The following NTAQ1 variants were observed in gnomAD, a reference collection of about 807,000 sequenced individuals.
NTAQ1 encodes the protein protein N-terminal glutamine amidohydrolase.
A neutral mutation model predicts 28.2 loss-of-function variants in NTAQ1; 21 were observed. The observed-to-expected ratio is 0.74, with a 90% CI of 0.53 to 1.07. The LOEUF is 1.07. NTAQ1 is among the 50% of genes least tolerant of loss of function. NTAQ1 has a pLI of 0.00. For synonymous variants in NTAQ1, 105 were observed against 90.0 expected, an observed-to-expected ratio of 1.17 and a Z score of -0.94; for missense variants, 264 against 256.6, an observed-to-expected ratio of 1.03 and a Z score of -0.20.
At chr8:123,450,103 A>G (rs185576286), downstream of NTAQ1, among the ~76,000 whole-genome samples, 23 of 150,466 alleles carry the variant, frequency 1.5e-4, no homozygotes, top group African/African-American at 5.1e-4. Context: ...ATGTGTGTGG[A>G]TAGAGGAAAG....
rs143987915 is a variant in NTAQ1, at chr8:123,421,172, C to G, written c.83+4240C>G. Among the ~76,000 whole-genome samples, 452 of 152,296 alleles carry G rather than the reference C, an allele frequency of 3.0e-3. 2 individuals carry two copies. Among genetic ancestry groups the G allele is most frequent in the Middle Eastern group, 0.02 (6 of 294 alleles). ...AATCATGGCTCACTGCAGCCTCGAC[C>G]TGGTGTCAATCAATTCTCCCACTTC... On this transcript the variant is annotated intron_variant, in intron 1 of 5. Coordinates refer to ENST00000287387, the MANE Select transcript of NTAQ1 (RefSeq NM_018024.3).
chr8:123,466,075 G>A lies in NTAQ1; in HGVS notation c.373-1004G>A, dbSNP rs548882338. Among the ~76,000 whole-genome samples, 3 of 152,274 alleles carry A rather than the reference G, an allele frequency of 2.0e-5. No individual in the cohort carries two copies. The East Asian group carries it at 5.8e-4, about 29-fold the overall frequency. On this transcript the variant is annotated intron_variant, in intron 6 of 6. Coordinates refer to the NTAQ1 transcript ENST00000650311. Reference sequence around the variant, plus strand: ...GCCAAAGAGTGAAGTCTGAGTGGACGGGATTGCCAGAGAACCAGGGGCTGA... The same window carrying A: ...GCCAAAGAGTGAAGTCTGAGTGGACAGGATTGCCAGAGAACCAGGGGCTGA...
intron 2 of NTAQ1, among the ~76,000 whole-genome samples, 185 bp downstream of exon 2, chr8:123,428,208 A>G (rs923327331): frequency 6.6e-6 from 1 of 152,032 alleles, no homozygotes; most frequent in Admixed American, 6.6e-5. Context: ...GGCACGATTG[A>G]GTTAGAAGAG....
downstream of NTAQ1, among the ~76,000 whole-genome samples, chr8:123,442,792 C>G (rs1039303395): frequency 8.0e-5 from 12 of 150,734 alleles, no homozygotes; most frequent in Admixed American, 2.0e-4. Context: ...CCTCAGCCTC[C>G]TGAGTAGCTG....
intron 5 of NTAQ1, chr8:123,437,991 T>G (rs1586949522): frequency 1.7e-6 from 1 of 573,514 alleles, no homozygotes; most frequent in Non-Finnish European, 3.1e-6. Context: ...CATGGTAGGG[T>G]TTTGTGCTGT....
intron 3 of NTAQ1, among the ~76,000 whole-genome samples, chr8:123,434,993 A>G (rs1171263496): frequency 6.6e-6 from 1 of 152,188 alleles, no homozygotes; most frequent in Non-Finnish European, 1.5e-5. Context: ...AGTCTTAAGT[A>G]TTGTTCTTAC....
Position 123,441,825 on chromosome 8 carries a change from T to C in NTAQ1, c.*410T>C, listed in dbSNP as rs1160998769. On this transcript the variant is annotated 3_prime_UTR_variant, in exon 6 of 6. Coordinates refer to ENST00000287387, the MANE Select transcript of NTAQ1 (RefSeq NM_018024.3). ...TTGCTCTGTGAATCTCAAATGCCCA[T>C]AAAAGGTGCCCATAAAATGTTTTCT... 1 of 167,740 alleles carries C rather than the reference T, an allele frequency of 6.0e-6. No homozygotes were observed. Among genetic ancestry groups the C allele is most frequent in the Non-Finnish European group, 1.3e-5 (1 of 77,050 alleles). The allele number at this position is 167,740 out of a possible 1,614,324, so 10.4% of individuals were successfully genotyped here.
At chr8:123,424,325 C>T (rs368656966) in intron 1 of NTAQ1, among the ~76,000 whole-genome samples, 11 of 152,076 alleles carry the variant, frequency 7.2e-5, no homozygotes, top group African/African-American at 1.4e-4. Context: ...TTGCTGCAAC[C>T]GCCGCCTCCC....
chr8:123,464,443 C>T (rs1051223422), intron 6 of NTAQ1, among the ~76,000 whole-genome samples: 2 of 152,120 alleles, frequency 1.3e-5, no homozygotes, highest in African/African-American at 4.8e-5. Context: ...AGACTGAATA[C>T]ACGAGAGGTC....
intron 1 of NTAQ1, among the ~76,000 whole-genome samples, chr8:123,419,627 C>G (rs1253507915): frequency 6.6e-6 from 1 of 152,090 alleles, no homozygotes; most frequent in Non-Finnish European, 1.5e-5. Flanking sequence ...AGGGGTCCTC[C>G]CCATCTGCAT....
Position 123,460,092 on chromosome 8 carries a change from G to T in NTAQ1, c.373-6987G>T, listed in dbSNP as rs79334297. On this transcript the variant is annotated intron_variant, in intron 6 of 6. Transcript: ENST00000650311. Reference sequence around the variant, plus strand: ...TGGGATTACAGGCATGAGCCACTGCGCCCAGCCCAATGTACGTGATTTTTA... The same window carrying T: ...TGGGATTACAGGCATGAGCCACTGCTCCCAGCCCAATGTACGTGATTTTTA... Among the ~76,000 whole-genome samples, 272 of 152,012 alleles carry T rather than the reference G, an allele frequency of 1.8e-3. 2 individuals are homozygous for T. The highest frequency in any genetic ancestry group is 2.8e-3 in the Non-Finnish European group (188 of 67,976).
At chr8:123,442,397 A>G (rs1490744889), downstream of NTAQ1, among the ~76,000 whole-genome samples, 2 of 151,946 alleles carry the variant, frequency 1.3e-5, no homozygotes, top group African/African-American at 4.8e-5. Flanking sequence ...CAGGAGTTTG[A>G]GACCAGCTTG....
chr8:123,472,280 A>G (rs1816049615), downstream of NTAQ1, among the ~76,000 whole-genome samples: 1 of 152,296 alleles, frequency 6.6e-6, no homozygotes, highest in East Asian at 1.9e-4. Flanking sequence ...GAAATGGCTC[A>G]TGGGTTATTA....
intron 1 of NTAQ1, among the ~76,000 whole-genome samples, chr8:123,424,952 G>T (rs1266137167): frequency 1.3e-5 from 2 of 152,110 alleles, no homozygotes; most frequent in Non-Finnish European, 1.5e-5. Flanking sequence ...GCTCTTGAAG[G>T]TATTTGCGGT....
At chr8:123,473,205 A>G (rs1816058924), downstream of NTAQ1, among the ~76,000 whole-genome samples, 1 of 152,226 alleles carries the variant, frequency 6.6e-6, no homozygotes, top group Non-Finnish European at 1.5e-5. Flanking sequence ...CTTCCAAGGC[A>G]TACAGCCCTG....
At chr8:123,443,030 T>C (rs1247975928), downstream of NTAQ1, among the ~76,000 whole-genome samples, 1 of 150,046 alleles carries the variant, frequency 6.7e-6, no homozygotes, top group Non-Finnish European at 1.5e-5. Context: ...TATTTACTTA[T>C]TTATTTTGAG....
At chr8:123,441,104 T>G (rs569138727) in intron 5 of NTAQ1, among the ~76,000 whole-genome samples, 1 of 152,322 alleles carries the variant, frequency 6.6e-6, no homozygotes, top group South Asian at 2.1e-4. Context: ...TCACTGATAT[T>G]CTGTTTCCCT....
Position 123,436,512 on chromosome 8 carries a change from C to T in NTAQ1, c.294C>T (p.Leu98=), listed in dbSNP as rs376697628. The change falls in exon 4 of 6, where the codon CTC becomes CTT. Residue 98 remains leucine (L), a synonymous_variant. Transcript: ENST00000287387. ...SSGGQNFIYD[L]DTVLPFPCLF... ...GAGGACAGAACTTCATTTATGATCT[C>T]GATACTGTCTTGCCATTTCCCTGCC... The T allele has an allele frequency of 3.5e-5, 56 of 1,613,820 alleles. No homozygotes were observed. Among genetic ancestry groups the T allele is most frequent in the Non-Finnish European group, 1.2e-5 (14 of 1,179,924 alleles).
Position 123,436,550 on chromosome 8 carries a change from A to G in NTAQ1, c.332A>G (p.Tyr111Cys). Residue 111 changes from tyrosine to cysteine, a missense_variant, in exon 4 of 6, where the codon TAT becomes TGT. By Grantham distance (194) the Tyr-to-Cys change is radical. Transcript: ENST00000287387. Reference sequence around the variant, plus strand: ...CCATTTCCCTGCCTCTTTGACACTTATGTAGAAGATGCCTTTAAGTCTGAT... The same window carrying G: ...CCATTTCCCTGCCTCTTTGACACTTGTGTAGAAGATGCCTTTAAGTCTGAT... ...VLPFPCLFDT[Y>C]VEDAFKSDDD... is the part of the protein sequence containing the mutation. The G allele has an allele frequency of 6.2e-7, 1 of 1,614,044 alleles. No individual in the cohort carries two copies. The highest frequency in any genetic ancestry group is 1.3e-5 in the African/African-American group (1 of 75,038).
Sources: gnomAD v4.1 joint callset for allele counts (sites outside exome capture counted in the v4.1 genomes callset) on GRCh38, gnomAD v4.1.1 for gene constraint, MANE v1.5 for transcripts, NCBI Gene and HGNC (gene_info 2026-07-23, HGNC 2026-07-21) for gene names.